Variants in MAP1S observed in about 807,000 individuals in gnomAD.
The protein encoded by MAP1S is microtubule associated protein 1S, also known as microtubule-associated protein 1S.
MAP1S carries 27 observed loss-of-function variants against 60.9 expected under a neutral mutation model. That is an observed-to-expected ratio of 0.44 (90% confidence interval 0.33 to 0.61). MAP1S has a LOEUF of 0.61. Ranked by LOEUF, MAP1S falls within the 20% of genes least tolerant of loss-of-function variation. MAP1S has a pLI of 0.03. For missense variants in MAP1S, 1,608 were observed against 1,486.6 expected (o/e 1.08, Z -1.34); for synonymous variants, 826 against 694.2 (o/e 1.19, Z -2.98).
At chr19:17,731,160 A>T (rs559043617) in intron 5 of MAP1S, among the ~76,000 whole-genome samples, 22 of 152,138 alleles carry the variant, frequency 1.4e-4, no homozygotes, top group African/African-American at 5.3e-4. Context: ...CTCCCAGAGT[A>T]CTAAGATTAT....
At chr19:17,729,199 T>C (rs1277503711) in intron 5 of MAP1S, among the ~76,000 whole-genome samples, 2 of 152,190 alleles carry the variant, frequency 1.3e-5, no homozygotes, top group Non-Finnish European at 2.9e-5. Context: ...CCAGTGGGGC[T>C]GCACACCACA....
In MAP1S at chr19:17,725,794, T is replaced by C. The variant is rs767066457; in HGVS notation, c.445-35T>C. The C allele has an allele frequency of 5.1e-6, 8 of 1,583,762 alleles. No individual in the cohort carries two copies. Among genetic ancestry groups the C allele is most frequent in the African/African-American group, 2.7e-5 (2 of 73,850 alleles). On this transcript the variant is annotated intron_variant, in intron 4 of 6. Coordinates refer to ENST00000324096, the MANE Select transcript of MAP1S (RefSeq NM_018174.6). This position sits in a 1 kb window ranked among gnomAD's most constrained non-coding sequence, Gnocchi z 4.2. ...CCCACCGGGCTAGGTGTTGCCTGGC[T>C]CTAGGTGGTCCCTTACCACTCCTCC... is the stretch of plus-strand genomic sequence containing the variant.
chr19:17,722,708 C>T (rs2080381162), intron 2 of MAP1S, among the ~76,000 whole-genome samples: 1 of 138,276 alleles, frequency 7.2e-6, no homozygotes, highest in Non-Finnish European at 1.5e-5. Flanking sequence ...GAGATCGTGC[C>T]ACTACACTTC....
chr19:17,726,569 G>T lies in MAP1S; in HGVS notation c.1185G>T (p.Met395Ile). The T allele has an allele frequency of 6.3e-7, 1 of 1,575,530 alleles. No individual in the cohort carries two copies. The part of the protein sequence containing the change: ...FEKMGVGRLD[M>I]YVLHPPSAGA... ...AGATGGGCGTGGGCCGGCTGGACAT[G>T]TATGTGCTGCACCCGCCCTCCGCCG... Residue 395 changes from methionine (M) to isoleucine (I), a missense_variant, in exon 5 of 7, where the codon ATG becomes ATT. Around this residue, in one of 4 missense-constraint regions of MAP1S, gnomAD observed 1,167 missense variants for 961.4 expected, o/e 1.21. Coordinates refer to ENST00000324096, the MANE Select transcript of MAP1S (RefSeq NM_018174.6).
intron 1 of MAP1S, chr19:17,720,142 G>A (rs1336654372): frequency 9.3e-6 from 12 of 1,297,190 alleles, no homozygotes; most frequent in Non-Finnish European, 1.2e-5. Context: ...TGGGGATTTG[G>A]CACCTAGGGA....
At chr19:17,728,379 AG>A (rs2080463599) in intron 5 of MAP1S, among the ~76,000 whole-genome samples, 1 of 152,112 alleles carries the variant, frequency 6.6e-6, no homozygotes, top group Non-Finnish European at 1.5e-5. Flanking sequence ...CCTCTCCAGT[AG>A]CTGGGACTAC....
Position 17,727,627 on chromosome 19 carries a change from G to C in MAP1S, c.2243G>C (p.Arg748Pro). The C allele has an allele frequency of 6.2e-7, 1 of 1,607,676 alleles. No individual in the cohort carries two copies. Among genetic ancestry groups the C allele is most frequent in the East Asian group, 2.2e-5 (1 of 44,844 alleles). The change falls in exon 5 of 7, where the codon CGC becomes CCC. Residue 748 changes from arginine to proline, a missense_variant. Physicochemically the swap from Arg to Pro is moderately radical, Grantham distance 103 (BLOSUM62 -2). This residue lies in a region of MAP1S where 1,167 missense variants were observed against 961.4 expected (regional missense o/e 1.21). Coordinates refer to ENST00000324096, the MANE Select transcript of MAP1S (RefSeq NM_018174.6). This position sits in a 1 kb window ranked among gnomAD's most constrained non-coding sequence, Gnocchi z 4.1. ...GTGTCACCCTGTGAATTTGAGCATC[G>C]CAAGGCGGTGCCAATGGCACCGGCA... The part of the protein sequence containing the change: ...CLVSPCEFEH[R>P]KAVPMAPAPA...
At chr19:17,721,336 G>T (rs1252781004) in intron 2 of MAP1S, 2 of 398,118 alleles carry the variant, frequency 5.0e-6, no homozygotes, top group South Asian at 4.1e-5. Context: ...TGACTGGTGT[G>T]TCCAGTGGAA....
chr19:17,728,138 C>A lies in MAP1S; in HGVS notation c.2754C>A (p.Ser918=), dbSNP rs201123896. Residue 918 remains serine (S), a synonymous_variant, in exon 5 of 7, where the codon TCC becomes TCA. Transcript: ENST00000324096. ...KGGRAPLSRK[S]STPKTATRGP... ...GCCGGGCACCCCTGTCCAGAAAGTC[C>A]TCAACCCCCAAGACTGCCACTCGAG... The A allele has an allele frequency of 1.9e-6, 3 of 1,607,276 alleles. No individual in the cohort carries two copies. The highest frequency in any genetic ancestry group is 2.6e-6 in the Non-Finnish European group (3 of 1,176,240).
intron 1 of MAP1S, 172 bp from the exon 2 acceptor site, chr19:17,720,764 C>G (rs76476124): frequency 0.04 from 26,607 of 657,444 alleles, 705 homozygotes; most frequent in South Asian, 0.079. Flanking sequence ...GCTCTGGGTC[C>G]CCTGGCTCAG....
chr19:17,726,859 C>G lies in MAP1S; in HGVS notation c.1475C>G (p.Pro492Arg), dbSNP rs764697695. ...SKREGLLATH[P>R]RPGQERPGVA... The stretch of plus-strand genomic sequence containing the variant: ...AGAGAGGGCCTCCTGGCCACCCACC[C>G]TAGACCTGGCCAGGAGCGCCCTGGG... Residue 492 changes from proline to arginine, a missense_variant, in exon 5 of 7, where the codon CCT (proline) becomes CGT (arginine). By Grantham distance (103) the Pro-to-Arg change is moderately radical (BLOSUM62 -2). Transcript: ENST00000324096. 56 of 1,554,984 alleles carry G rather than the reference C, an allele frequency of 3.6e-5. No homozygotes were observed. Among genetic ancestry groups the G allele is most frequent in the African/African-American group, 2.7e-4 (20 of 73,316 alleles).
At chr19:17,723,278 G>C (rs2080387373) in intron 2 of MAP1S, among the ~76,000 whole-genome samples, 1 of 152,344 alleles carries the variant, frequency 6.6e-6, no homozygotes, top group African/African-American at 2.4e-5. Context: ...TGGGTGCAGT[G>C]GGTCAAGTCT....
rs756341904 is a variant in MAP1S at position 17,734,254 on chromosome 19, A to AC, written c.3025-12dup. 35 of 1,595,288 alleles carry AC rather than the reference A, an allele frequency of 2.2e-5. No individual in the cohort carries two copies. The highest frequency in any genetic ancestry group is 1.1e-4 in the African/African-American group (8 of 73,016). On this transcript the variant is annotated intron_variant, in intron 6 of 6. Coordinates refer to ENST00000324096, the MANE Select transcript of MAP1S (RefSeq NM_018174.6). ...CACTGGTGGTCCACTCTCCCCACAC[A>AC]CCCCCCCTCCACCTGCAGGTGACCC...
At chr19:17,723,766 C>T (rs912191959) in intron 2 of MAP1S, among the ~76,000 whole-genome samples, 3 of 152,002 alleles carry the variant, frequency 2.0e-5, no homozygotes, top group Non-Finnish European at 4.4e-5. Flanking sequence ...AGGAGAATGG[C>T]GTGAACCCGG....
At chr19:17,720,136 G>T in intron 1 of MAP1S, 1 of 1,296,414 alleles carries the variant, frequency 7.7e-7, no homozygotes, top group Non-Finnish European at 9.8e-7. Context: ...CTGCCCTGGG[G>T]ATTTGGCACC....
At chr19:17,720,394 G>A in intron 1 of MAP1S, 3 of 1,535,068 alleles carry the variant, frequency 2.0e-6, no homozygotes, top group Non-Finnish European at 2.6e-6. Context: ...CAGGGATATG[G>A]CCGGGATGAT....
rs750847774 is a variant in MAP1S, at chr19:17,727,385, C to T, written c.2001C>T (p.Asp667=). Residue 667 remains aspartate (D), a synonymous_variant, in exon 5 of 7, where the codon GAC becomes GAT. Coordinates refer to ENST00000324096, the MANE Select transcript of MAP1S (RefSeq NM_018174.6). This position sits in a 1 kb window ranked among gnomAD's most constrained non-coding sequence, Gnocchi z 4.1. ...SPLRGGEAGP[D]ASPTVTTPTV... ...TGCGGGGCGGGGAGGCCGGGCCAGA[C>T]GCCTCACCCACAGTGACCACACCCA... 1.8e-5 allele frequency: 29 copies of T among 1,592,854 alleles called. No homozygotes were observed. Among genetic ancestry groups the T allele is most frequent in the Non-Finnish European group, 2.3e-5 (27 of 1,171,074 alleles).
chr19:17,721,360 G>A (rs1277290656), intron 2 of MAP1S: 1 of 380,344 alleles, frequency 2.6e-6, no homozygotes, highest in Non-Finnish European at 5.1e-6. Context: ...AAGGGCCCCA[G>A]TCAAGACCCA....
chr19:17,720,959 C>G lies in MAP1S; in HGVS notation c.142C>G (p.Pro48Ala). 6.2e-7 allele frequency: 1 copy of G among 1,614,046 alleles called. No homozygotes were observed. The highest frequency in any genetic ancestry group is 1.1e-5 in the South Asian group (1 of 91,074). Residue 48 changes from proline (P) to alanine (A), a missense_variant, in exon 2 of 7, where the codon CCT becomes GCT. By Grantham distance (27) the Pro-to-Ala change is conservative. Coordinates refer to ENST00000324096, the MANE Select transcript of MAP1S (RefSeq NM_018174.6). ...ERGIRSWDVD[P>A]GVCNLDEQLK... Reference sequence around the variant, plus strand: ...AGGCATCCGGTCTTGGGATGTCGATCCTGGCGTCTGCAACCTTGATGAACA... The same window carrying G: ...AGGCATCCGGTCTTGGGATGTCGATGCTGGCGTCTGCAACCTTGATGAACA...
Sources: allele counts gnomAD v4.1 joint callset (sites outside exome capture counted in the v4.1 genomes callset), GRCh38; gene constraint gnomAD v4.1.1; regional missense constraint gnomAD v4.1.1; non-coding constraint Gnocchi (gnomAD v3.1); transcripts MANE v1.5; gene names NCBI Gene and HGNC (gene_info 2026-07-23, HGNC 2026-07-21).